Variants in ODAD2 observed in about 807,000 individuals in gnomAD.
The protein encoded by ODAD2 is outer dynein arm docking complex subunit 2, also known as outer dynein arm-docking complex subunit 2.
ODAD2 carries 89 observed loss-of-function variants against 106.8 expected under a neutral mutation model. The ratio of observed to expected loss-of-function variants is 0.83; its 90% confidence interval spans 0.70 to 0.99. The LOEUF (loss-of-function observed/expected upper bound fraction) is 0.99, where lower values mean the gene tolerates loss of function less well. Among genes scored for constraint, ODAD2 ranks in the 50% least tolerant of loss-of-function variants. ODAD2 has a pLI of 0.00. For missense variants in ODAD2, 1,168 were observed against 1,238.5 expected (o/e 0.94, Z 0.85); for synonymous variants, 404 against 436.2 (o/e 0.93, Z 0.92).
intron 19 of ODAD2, among the ~76,000 whole-genome samples, chr10:27,834,890 T>C (rs1837746659): frequency 6.6e-6 from 1 of 152,176 alleles, no homozygotes; most frequent in Non-Finnish European, 1.5e-5. Context: ...GCTCCGATTT[T>C]AATGGAAAGT....
chr10:27,873,059 CA>C (rs869286947), intron 17 of ODAD2, among the ~76,000 whole-genome samples: 62 of 105,376 alleles, frequency 5.9e-4, no homozygotes, highest in Admixed American at 1.3e-3. Flanking sequence ...TTGAGGGATT[CA>C]ACTTCTTCCT....
At chr10:27,959,792 C>T (rs899758532) in intron 10 of ODAD2, among the ~76,000 whole-genome samples, 4 of 151,978 alleles carry the variant, frequency 2.6e-5, no homozygotes, top group African/African-American at 9.7e-5. Flanking sequence ...TGAATCATTG[C>T]TATCATAATA....
Position 27,987,546 on chromosome 10 carries a change from A to G in ODAD2, c.225-3T>C, listed in dbSNP as rs561356430. 2 of 1,598,956 alleles carry G rather than the reference A, an allele frequency of 1.3e-6. No homozygotes were observed. The highest frequency in any genetic ancestry group is 2.7e-5 in the African/African-American group (2 of 73,894). The stretch of plus-strand genomic sequence containing the variant: ...CTTCTGATTTGACTGTTGTTTCACT[A>G]AAAAATAAAAATAAAAAATTGAAAG... On this transcript the variant is annotated splice_region_variant and splice_polypyrimidine_tract_variant and intron_variant, in intron 2 of 19. Coordinates refer to ENST00000305242, the MANE Select transcript of ODAD2 (RefSeq NM_018076.5).
chr10:27,975,420 A>T (rs1849127683), intron 7 of ODAD2, among the ~76,000 whole-genome samples: 3 of 152,160 alleles, frequency 2.0e-5, no homozygotes, highest in Non-Finnish European at 4.4e-5. Flanking sequence ...ACCACAAATG[A>T]CCAATATTAG....
chr10:27,893,780 ACT>A (rs1842704935), intron 17 of ODAD2, among the ~76,000 whole-genome samples: 1 of 152,158 alleles, frequency 6.6e-6, no homozygotes, highest in Non-Finnish European at 1.5e-5. Context: ...TTCTAGTTCC[ACT>A]GTTTTATTGC....
At chr10:27,886,659 A>G (rs1162535196) in intron 17 of ODAD2, among the ~76,000 whole-genome samples, 1 of 152,100 alleles carries the variant, frequency 6.6e-6, no homozygotes, top group Admixed American at 6.6e-5. Flanking sequence ...TATTTTCTAC[A>G]GGATTTAAAA....
intron 7 of ODAD2, among the ~76,000 whole-genome samples, chr10:27,978,994 G>C (rs1849366348): frequency 6.6e-6 from 1 of 151,964 alleles, no homozygotes; most frequent in South Asian, 2.1e-4. Flanking sequence ...CAGATTACTT[G>C]AGGCCAAGAG....
intron 10 of ODAD2, chr10:27,958,960 T>TC (rs1847917959): frequency 7.7e-7 from 1 of 1,303,716 alleles, no homozygotes; most frequent in African/African-American, 1.5e-5. Context: ...CCATTTTGAC[T>TC]TGTTTCCTTT....
At chr10:27,859,056 C>CT (rs10677175) in intron 19 of ODAD2, among the ~76,000 whole-genome samples, 12,685 of 149,428 alleles carry the variant, frequency 0.085, 1,707 homozygotes, top group African/African-American at 0.29. Context: ...TTTATAGTTT[C>CT]TTTTTTTTTT....
chr10:27,818,514 C>A (rs946624594), intron 19 of ODAD2, among the ~76,000 whole-genome samples: 2 of 152,128 alleles, frequency 1.3e-5, no homozygotes, highest in African/African-American at 4.8e-5. Context: ...CAGGTCATCA[C>A]AATGAATAAT....
intron 17 of ODAD2, chr10:27,905,255 T>C (rs935902798): frequency 6.6e-6 from 1 of 152,512 alleles, no homozygotes; most frequent in Non-Finnish European, 1.5e-5. Context: ...TTTTACACTG[T>C]AAATAAATCC....
At position 27,997,132 on chromosome 10, in the gene ODAD2, C is replaced by T. The variant is rs148841404; in HGVS notation, c.-39+1862G>A. ...ACCAAAGTGGTCATGAAATAAAGTGCAGAAATTAGTGCACAAATTTGTTCT... is the reference window on the plus strand; with the variant it reads ...ACCAAAGTGGTCATGAAATAAAGTGTAGAAATTAGTGCACAAATTTGTTCT... On this transcript the variant is annotated intron_variant, in intron 1 of 19. Transcript: ENST00000305242. Among the ~76,000 whole-genome samples, 321 of 152,236 alleles carry T rather than the reference C, an allele frequency of 2.1e-3. 2 individuals carry two copies. The highest frequency in any genetic ancestry group is 7.4e-3 in the African/African-American group (308 of 41,538).
In ODAD2 at chr10:27,940,727, C is replaced by T; in HGVS notation, c.1822G>A (p.Ala608Thr). Residue 608 changes from alanine to threonine, a missense_variant, in exon 13 of 20, where the codon GCT becomes ACT. Physicochemically the swap from Ala to Thr is moderately conservative, Grantham distance 58. Transcript: ENST00000305242. ...CACAGGGCCAGTGCCCCACAGCGAG[C>T]CACTTCCACGTCTCTGGCCTCATAC... The part of the protein sequence containing the change: ...SLYEARDVEV[A>T]RCGALALWSC... 1 of 1,614,148 alleles carries T rather than the reference C, an allele frequency of 6.2e-7. No individual in the cohort carries two copies. Among genetic ancestry groups the T allele is most frequent in the Non-Finnish European group, 8.5e-7 (1 of 1,179,998 alleles).
At position 27,938,789 on chromosome 10, in the gene ODAD2, G is replaced by A. The variant is rs974489048; in HGVS notation, c.2097+1108C>T. 5.3e-5 allele frequency among the ~76,000 whole-genome samples: 8 copies of A among 151,860 alleles called. No individual in the cohort carries two copies. In the South Asian group the frequency reaches 1.0e-3, roughly 20 times the overall value. The stretch of plus-strand genomic sequence containing the variant: ...TATTTTTTGTATTTTTAGTAGAGAC[G>A]GGGTTGCACCATGTTGGCCAGGCTG... On this transcript the variant is annotated intron_variant, in intron 14 of 19. Coordinates refer to ENST00000305242, the MANE Select transcript of ODAD2 (RefSeq NM_018076.5).
intron 12 of ODAD2, among the ~76,000 whole-genome samples, chr10:27,942,716 A>T (rs981928577): frequency 6.6e-6 from 1 of 152,160 alleles, no homozygotes; most frequent in Non-Finnish European, 1.5e-5. Context: ...AAATTTTCGA[A>T]CAGAAAAGCT....
At chr10:27,961,536 A>G (rs781039930) in intron 10 of ODAD2, 32 bp downstream of exon 10, 3 of 1,570,854 alleles carry the variant, frequency 1.9e-6, no homozygotes, top group South Asian at 1.2e-5. Flanking sequence ...TTAAATGAAC[A>G]TTGCAAACAT....
Position 27,940,730 on chromosome 10 carries a change from C to T in ODAD2, c.1819G>A (p.Val607Met). 6.2e-7 allele frequency: 1 copy of T among 1,614,164 alleles called. No individual in the cohort carries two copies. The highest frequency in any genetic ancestry group is 1.3e-5 in the African/African-American group (1 of 75,050). The change falls in exon 13 of 20, where the codon GTG becomes ATG. Residue 607 changes from valine (V) to methionine (M), a missense_variant. This residue lies in a region of ODAD2 where 701 missense variants were observed against 712.3 expected (regional missense o/e 0.98). Coordinates refer to ENST00000305242, the MANE Select transcript of ODAD2 (RefSeq NM_018076.5). ...AGGGCCAGTGCCCCACAGCGAGCCA[C>T]TTCCACGTCTCTGGCCTCATACAGA... is the stretch of plus-strand genomic sequence containing the variant. ...SSLYEARDVE[V>M]ARCGALALWS...
intron 17 of ODAD2, among the ~76,000 whole-genome samples, chr10:27,884,504 A>G (rs546704560): frequency 6.6e-6 from 1 of 152,278 alleles, no homozygotes; most frequent in East Asian, 1.9e-4. Context: ...TTCAGCCGGA[A>G]GGACCAAAGT....
intron 19 of ODAD2, among the ~76,000 whole-genome samples, chr10:27,833,506 C>T (rs751858711): frequency 3.9e-5 from 6 of 152,168 alleles, no homozygotes; most frequent in Non-Finnish European, 8.8e-5. Flanking sequence ...ACAATTTAAA[C>T]TCTGTGGCTT....
Sources: allele counts gnomAD v4.1 joint callset (sites outside exome capture counted in the v4.1 genomes callset), GRCh38; gene constraint gnomAD v4.1.1; regional missense constraint gnomAD v4.1.1; transcripts MANE v1.5; gene names NCBI Gene and HGNC (gene_info 2026-07-23, HGNC 2026-07-21).